The following DCC variants were observed in gnomAD, a reference collection of about 807,000 sequenced individuals.
The protein encoded by DCC is DCC netrin 1 receptor.
DCC carries 58 observed loss-of-function variants against 172.5 expected under a neutral mutation model. That is an observed-to-expected ratio of 0.34 (90% CI 0.27 to 0.42). The LOEUF (loss-of-function observed/expected upper bound fraction) is 0.42, where lower values mean the gene tolerates loss of function less well. Among genes scored for constraint, DCC ranks in the 10% least tolerant of loss-of-function variants. DCC has a pLI of 1.00. For synonymous variants in DCC, 709 were observed against 644.5 expected, an observed-to-expected ratio of 1.10 and a Z score of -1.52; for missense variants, 1,740 against 1,791.0, an observed-to-expected ratio of 0.97 and a Z score of 0.51.
intron 24 of DCC, among the ~76,000 whole-genome samples, chr18:53,462,461 T>TG (rs1568147649): frequency 1.4e-4 from 21 of 151,564 alleles, no homozygotes; most frequent in Admixed American, 4.6e-4. Flanking sequence ...GATCTGTCAC[T>TG]GTCTCCCATA....
rs183096809 is a variant in DCC, at chr18:53,442,999, G to A, written c.3230-7501G>A. On this transcript the variant is annotated intron_variant, in intron 22 of 28. Transcript: ENST00000442544. The stretch of plus-strand genomic sequence containing the variant: ...TTCATGTGGTTTAAGAACAGAAGCC[G>A]TCTCTATAACAGAAAAGTGCAAAGT... 1.5e-3 allele frequency among the ~76,000 whole-genome samples: 225 copies of A among 152,210 alleles called. 3 individuals carry two copies. Among genetic ancestry groups the A allele is most frequent in the Middle Eastern group, 0.01 (3 of 292 alleles).
At chr18:53,092,369 G>T (rs914834708) in intron 7 of DCC, among the ~76,000 whole-genome samples, 2 of 152,080 alleles carry the variant, frequency 1.3e-5, no homozygotes, top group African/African-American at 2.4e-5. Context: ...TATTTTGCCT[G>T]TCACTCTCTC....
chr18:53,395,050 T>C (rs1908835358), intron 17 of DCC, among the ~76,000 whole-genome samples: 1 of 150,942 alleles, frequency 6.6e-6, no homozygotes, highest in African/African-American at 2.4e-5. Flanking sequence ...CTTGGGAGGC[T>C]GAGGCATGCG....
intron 2 of DCC, among the ~76,000 whole-genome samples, chr18:52,798,468 T>C (rs2037920264): frequency 6.6e-6 from 1 of 152,132 alleles, no homozygotes; most frequent in Non-Finnish European, 1.5e-5. Context: ...CCTCCCAAAA[T>C]GCTGGGATTA....
chr18:53,000,193 G>A (rs911847108), intron 5 of DCC, among the ~76,000 whole-genome samples: 1 of 151,986 alleles, frequency 6.6e-6, no homozygotes, highest in South Asian at 2.1e-4. Flanking sequence ...GGCAGTCCTT[G>A]GAAACTAATA....
intron 15 of DCC, among the ~76,000 whole-genome samples, chr18:53,361,923 A>G (rs149105156): frequency 7.9e-4 from 120 of 152,332 alleles, no homozygotes; most frequent in African/African-American, 2.7e-3. Context: ...TTGCACAACA[A>G]TCATTTCTGA....
intron 28 of DCC, chr18:53,530,210 T>A (rs1419959546): frequency 1.5e-6 from 1 of 646,196 alleles, no homozygotes; most frequent in Non-Finnish European, 2.8e-6. Flanking sequence ...GAAATAGATG[T>A]CATTATCATT....
intron 15 of DCC, among the ~76,000 whole-genome samples, chr18:53,368,772 G>C (rs1286414060): frequency 6.6e-6 from 1 of 151,894 alleles, no homozygotes. Flanking sequence ...TTATTTCTGG[G>C]TTCCCTATTC....
At chr18:53,518,724 T>A (rs2046366991) in intron 27 of DCC, among the ~76,000 whole-genome samples, 1 of 152,114 alleles carries the variant, frequency 6.6e-6, no homozygotes, top group Non-Finnish European at 1.5e-5. Context: ...ACTTAGCACA[T>A]CAACAGCCAG....
At chr18:53,159,722 T>C (rs75679782) in intron 8 of DCC, among the ~76,000 whole-genome samples, 1 of 59,208 alleles carries the variant, frequency 1.7e-5, no homozygotes, top group Non-Finnish European at 3.9e-5. Flanking sequence ...ATGGTTAAAA[T>C]TTTTTCACTC....
intron 2 of DCC, among the ~76,000 whole-genome samples, chr18:52,857,577 A>G (rs1439769834): frequency 6.6e-6 from 1 of 152,064 alleles, no homozygotes; most frequent in Admixed American, 6.5e-5. Context: ...TATATAGGGT[A>G]ATTCGAATTT....
intron 1 of DCC, among the ~76,000 whole-genome samples, chr18:52,427,056 C>A (rs1272657178): frequency 6.6e-6 from 1 of 152,072 alleles, no homozygotes; most frequent in Non-Finnish European, 1.5e-5. Context: ...GATCATAGAA[C>A]AACTTAATGG....
At chr18:53,235,323 C>A (rs1195304420) in intron 12 of DCC, among the ~76,000 whole-genome samples, 2 of 152,144 alleles carry the variant, frequency 1.3e-5, no homozygotes, top group African/African-American at 2.4e-5. Context: ...TCCATGGAAG[C>A]CTGTCTGCTG....
chr18:53,218,985 T>G (rs2055892788), intron 12 of DCC, among the ~76,000 whole-genome samples: 1 of 152,112 alleles, frequency 6.6e-6, no homozygotes. Flanking sequence ...GTAATAATGT[T>G]TAGAGGATGA....
At chr18:52,543,789 T>C (rs1426048544) in intron 1 of DCC, among the ~76,000 whole-genome samples, 1 of 152,146 alleles carries the variant, frequency 6.6e-6, no homozygotes, top group African/African-American at 2.4e-5. Flanking sequence ...AGAGCTGGGA[T>C]CCAGCCCTAG....
intron 25 of DCC, among the ~76,000 whole-genome samples, chr18:53,484,689 C>A (rs531333174): frequency 2.0e-5 from 3 of 152,074 alleles, no homozygotes; most frequent in Admixed American, 2.0e-4. Context: ...AGAGACTATA[C>A]CTTTTTAACA....
intron 1 of DCC, among the ~76,000 whole-genome samples, chr18:52,712,795 C>A (rs952170996): frequency 3.9e-5 from 6 of 152,192 alleles, no homozygotes; most frequent in African/African-American, 1.4e-4. Context: ...AACCTGGAAG[C>A]AAATTGCCTG....
intron 12 of DCC, among the ~76,000 whole-genome samples, chr18:53,253,251 C>T (rs1321602748): frequency 6.6e-6 from 1 of 151,944 alleles, no homozygotes; most frequent in Non-Finnish European, 1.5e-5. Flanking sequence ...ACCCCCTCTT[C>T]CTATACTAAT....
At chr18:53,110,859 G>A (rs1306518118) in intron 7 of DCC, among the ~76,000 whole-genome samples, 1 of 123,730 alleles carries the variant, frequency 8.1e-6, no homozygotes, top group Admixed American at 8.7e-5. Context: ...CAGGGATCTA[G>A]AACTAGAAAT....
Sources: allele counts gnomAD v4.1 joint callset (sites outside exome capture counted in the v4.1 genomes callset), GRCh38; gene constraint gnomAD v4.1.1; transcripts MANE v1.5; gene names NCBI Gene and HGNC (gene_info 2026-07-23, HGNC 2026-07-21).